The following NAALADL2 variants were observed in gnomAD, a reference collection of about 807,000 sequenced individuals.
The protein encoded by NAALADL2 is N-acetylated alpha-linked acidic dipeptidase like 2.
In NAALADL2, 76 loss-of-function variants were observed where a neutral mutation model predicts 87.2. The ratio of observed to expected loss-of-function variants is 0.87; its 90% CI spans 0.72 to 1.05. The LOEUF (loss-of-function observed/expected upper bound fraction) is 1.05, where lower values mean the gene tolerates loss of function less well. Ranked by LOEUF, NAALADL2 falls within the 50% of genes least tolerant of loss-of-function variation. The pLI is 0.00. For synonymous variants in NAALADL2, 354 were observed against 331.0 expected, an observed-to-expected ratio of 1.07 and a Z score of -0.75; for missense variants, 1,089 against 945.8, an observed-to-expected ratio of 1.15 and a Z score of -1.99.
At chr3:175,773,722 T>A (rs1749827534) in intron 13 of NAALADL2, 1 of 152,168 alleles carries the variant, frequency 6.6e-6, no homozygotes, top group African/African-American at 2.4e-5. Context: ...TCAATGTTTT[T>A]GGCTTAACAG....
At chr3:174,922,526 T>A (rs1245701297) in intron 1 of NAALADL2, among the ~76,000 whole-genome samples, 1 of 152,148 alleles carries the variant, frequency 6.6e-6, no homozygotes, top group South Asian at 2.1e-4. Context: ...ACAGCTCTAA[T>A]TTGAATTTCA....
chr3:175,562,726 T>A (rs1394187396), intron 9 of NAALADL2, among the ~76,000 whole-genome samples: 1 of 152,054 alleles, frequency 6.6e-6, no homozygotes, highest in Non-Finnish European at 1.5e-5. Context: ...TGAACAAGTA[T>A]GTAATGATTA....
At chr3:175,579,548 C>T (rs78757061) in intron 10 of NAALADL2, among the ~76,000 whole-genome samples, 2,042 of 152,208 alleles carry the variant, frequency 0.013, 43 homozygotes, top group African/African-American at 0.046. Flanking sequence ...AAATGCATTG[C>T]GATCTATGGA....
intron 4 of NAALADL2, among the ~76,000 whole-genome samples, chr3:175,305,730 C>T (rs982192439): frequency 2.0e-5 from 3 of 152,140 alleles, no homozygotes; most frequent in Non-Finnish European, 4.4e-5. Flanking sequence ...CCATGTTGGT[C>T]AGGCTGGTAT....
At chr3:175,034,114 G>A (rs143098500) in intron 1 of NAALADL2, among the ~76,000 whole-genome samples, 9 of 152,138 alleles carry the variant, frequency 5.9e-5, no homozygotes, top group Non-Finnish European at 1.2e-4. Context: ...AGAAAATCTT[G>A]TTGGTTTTCC....
rs556379095 is a variant in NAALADL2, at chr3:175,710,555, A to G, written c.1897-26751A>G. On this transcript the variant is annotated intron_variant, in intron 11 of 13. Coordinates refer to ENST00000454872, the MANE Select transcript of NAALADL2 (RefSeq NM_207015.3). ...GAGTAAGTAGTTTCTATTATATATA[A>G]ATATTTATATATGTGTAAATACGTA... Among the ~76,000 whole-genome samples the G allele has an allele frequency of 2.7e-5, 4 of 150,608 alleles. No individual in the cohort carries two copies. The South Asian group carries it at 8.4e-4, about 31-fold the overall frequency.
intron 2 of NAALADL2, among the ~76,000 whole-genome samples, chr3:174,583,750 C>T (rs1716410505): frequency 6.6e-6 from 1 of 152,100 alleles, no homozygotes; most frequent in South Asian, 2.1e-4. Flanking sequence ...TTATATCCCT[C>T]TTTATTTGAA....
intron 1 of NAALADL2, among the ~76,000 whole-genome samples, chr3:174,991,500 A>G (rs76669051): frequency 0.024 from 3,660 of 152,166 alleles, 122 homozygotes; most frequent in East Asian, 0.17. Flanking sequence ...TTTTATTTAA[A>G]TTTTATATAA....
intron 2 of NAALADL2, among the ~76,000 whole-genome samples, chr3:175,207,613 A>G (rs1472838153): frequency 1.3e-5 from 2 of 152,098 alleles, no homozygotes; most frequent in African/African-American, 4.8e-5. Context: ...ATTCCTCAAC[A>G]TCTGCATCCT....
intron 2 of NAALADL2, among the ~76,000 whole-genome samples, chr3:174,621,478 T>C (rs2108666861): frequency 6.6e-6 from 1 of 152,192 alleles, no homozygotes; most frequent in Admixed American, 6.5e-5. Context: ...ATATGAAAGC[T>C]CCATTAGGGA....
intron 1 of NAALADL2, among the ~76,000 whole-genome samples, chr3:174,488,740 A>G (rs976401299): frequency 6.6e-6 from 1 of 151,778 alleles, no homozygotes; most frequent in Admixed American, 6.6e-5. Flanking sequence ...CACAACCTCT[A>G]TTGGATCTAA....
chr3:174,903,220 G>A (rs1732519745), intron 1 of NAALADL2, among the ~76,000 whole-genome samples: 1 of 151,964 alleles, frequency 6.6e-6, no homozygotes, highest in Admixed American at 6.6e-5. Flanking sequence ...TCCAGTATTT[G>A]AATACATTAG....
chr3:175,220,372 A>G (rs1466624602), intron 2 of NAALADL2, among the ~76,000 whole-genome samples: 1 of 151,800 alleles, frequency 6.6e-6, no homozygotes, highest in African/African-American at 2.4e-5. Context: ...ATAATATTAT[A>G]ATTAACTATA....
At chr3:175,725,779 C>T (rs113539385) in intron 11 of NAALADL2, among the ~76,000 whole-genome samples, 48 of 152,156 alleles carry the variant, frequency 3.2e-4, no homozygotes, top group African/African-American at 9.4e-4. Context: ...TCTATTTTCT[C>T]ATGCAAAATA....
At chr3:175,569,879 A>G (rs954707412) in intron 9 of NAALADL2, among the ~76,000 whole-genome samples, 5 of 150,894 alleles carry the variant, frequency 3.3e-5, no homozygotes, top group African/African-American at 9.7e-5. Flanking sequence ...ATACATTAAT[A>G]ACATAATTAT....
At chr3:175,569,859 C>T (rs1483699233) in intron 9 of NAALADL2, among the ~76,000 whole-genome samples, 1 of 147,524 alleles carries the variant, frequency 6.8e-6, no homozygotes, top group Non-Finnish European at 1.5e-5. Context: ...CACACACAGA[C>T]ACTTTATATA....
chr3:174,547,005 G>A (rs1446829772), intron 1 of NAALADL2, among the ~76,000 whole-genome samples: 13 of 152,112 alleles, frequency 8.5e-5, no homozygotes, highest in Admixed American at 7.9e-4. Context: ...AGGTAAAGAT[G>A]TATTTAACTA....
At chr3:175,581,600 A>G (rs1307664590) in intron 10 of NAALADL2, among the ~76,000 whole-genome samples, 3 of 152,242 alleles carry the variant, frequency 2.0e-5, no homozygotes. Context: ...CTTTGGAGCT[A>G]CATTGAAACT....
intron 5 of NAALADL2, among the ~76,000 whole-genome samples, chr3:175,377,591 C>T (rs1767290847): frequency 6.6e-6 from 1 of 152,136 alleles, no homozygotes; most frequent in South Asian, 2.1e-4. Context: ...CTGGCAAAGC[C>T]CCACTCTCAA....
Sources: gnomAD v4.1 joint callset for allele counts (sites outside exome capture counted in the v4.1 genomes callset) on GRCh38, gnomAD v4.1.1 for gene constraint, MANE v1.5 for transcripts, NCBI Gene and HGNC (gene_info 2026-07-23, HGNC 2026-07-21) for gene names.